The following OSBPL8 variants were observed in gnomAD, a reference collection of about 807,000 sequenced individuals.
OSBPL8 encodes oxysterol-binding protein-related protein 8.
A neutral mutation model predicts 125.5 loss-of-function variants in OSBPL8; 59 were observed. The observed-to-expected ratio is 0.47, with a 90% CI of 0.38 to 0.58. OSBPL8 has a LOEUF of 0.58. Among genes scored for constraint, OSBPL8 ranks in the 20% least tolerant of loss-of-function variants. The pLI is 0.00. For synonymous variants in OSBPL8, 330 were observed against 338.9 expected (o/e 0.97, Z 0.29); for missense variants, 758 against 1,047.8 (o/e 0.72, Z 3.82).
intron 1 of OSBPL8, among the ~76,000 whole-genome samples, chr12:76,557,160 A>G (rs780026228): frequency 8.5e-5 from 13 of 152,252 alleles, no homozygotes; most frequent in Admixed American, 7.8e-4. Context: ...ATATTAGGAT[A>G]AAAGTTTTCC....
chr12:76,548,356 T>A (rs1950840945), intron 1 of OSBPL8, among the ~76,000 whole-genome samples: 1 of 151,886 alleles, frequency 6.6e-6, no homozygotes, highest in African/African-American at 2.4e-5. Context: ...TCTGAGAAGA[T>A]CCCCAGGAAA....
intron 4 of OSBPL8, among the ~76,000 whole-genome samples, chr12:76,423,517 TAAAA>T (rs920719127): frequency 6.6e-6 from 1 of 152,098 alleles, no homozygotes; most frequent in East Asian, 1.9e-4. Flanking sequence ...CTTTCCTGCT[TAAAA>T]AAAATTTTTT....
chr12:76,463,437 C>A (rs1182807881), intron 2 of OSBPL8, among the ~76,000 whole-genome samples: 2 of 152,120 alleles, frequency 1.3e-5, no homozygotes, highest in Non-Finnish European at 1.5e-5. Context: ...GCATGTCAGA[C>A]ATTCATCCAA....
At chr12:76,500,040 C>A (rs547567672) in intron 1 of OSBPL8, among the ~76,000 whole-genome samples, 50 of 152,264 alleles carry the variant, frequency 3.3e-4, no homozygotes, top group African/African-American at 1.1e-3. Context: ...CCTGCCTTCA[C>A]GCCTACATAT....
At chr12:76,389,925 G>A (rs1352472437) in intron 11 of OSBPL8, 96 bp from the exon 12 acceptor site, 3 of 907,370 alleles carry the variant, frequency 3.3e-6, no homozygotes, top group East Asian at 5.8e-5. Context: ...CTCTTCTCAG[G>A]ACTACTCCAA....
intron 12 of OSBPL8, among the ~76,000 whole-genome samples, chr12:76,387,836 TAAAATTAAATATATATAGTTCAA>T (rs1953384223): frequency 6.6e-6 from 1 of 152,154 alleles, no homozygotes; most frequent in African/African-American, 2.4e-5. Context: ...AATTTTATTT[TAAAATTAAATATATATAGTTCAA>T]AAGTCAAAGC....
chr12:76,553,193 C>A (rs1339021083), intron 1 of OSBPL8, among the ~76,000 whole-genome samples: 1 of 55,428 alleles, frequency 1.8e-5, no homozygotes, highest in African/African-American at 8.1e-5. Flanking sequence ...TCAAAATATA[C>A]CAACATAGAT....
At chr12:76,423,321 A>G (rs1229966673) in intron 4 of OSBPL8, 2 of 152,244 alleles carry the variant, frequency 1.3e-5, no homozygotes, top group Admixed American at 6.5e-5. Flanking sequence ...TATATGAGTC[A>G]TTAAGACAGT....
intron 16 of OSBPL8, among the ~76,000 whole-genome samples, chr12:76,375,837 C>T (rs1029050671): frequency 6.6e-5 from 10 of 152,040 alleles, no homozygotes; most frequent in Non-Finnish European, 1.2e-4. Flanking sequence ...TAAAATGGAC[C>T]CACATGTAGT....
chr12:76,447,921 C>T (rs1214589502), intron 4 of OSBPL8, among the ~76,000 whole-genome samples: 3 of 152,066 alleles, frequency 2.0e-5, no homozygotes, highest in Non-Finnish European at 4.4e-5. Context: ...GGATTAAGGA[C>T]GTAATGACAT....
chr12:76,431,678 G>A (rs1870842835), intron 4 of OSBPL8, among the ~76,000 whole-genome samples: 1 of 152,044 alleles, frequency 6.6e-6, no homozygotes, highest in Non-Finnish European at 1.5e-5. Context: ...ACAATAAAAT[G>A]GCTAATTCAA....
chr12:76,469,174 T>C (rs1162547978), intron 2 of OSBPL8, among the ~76,000 whole-genome samples: 1 of 152,162 alleles, frequency 6.6e-6, no homozygotes, highest in African/African-American at 2.4e-5. Context: ...GATTTCCCCA[T>C]GTGATTCCAT....
chr12:76,388,726 G>A (rs1238727314), intron 12 of OSBPL8, among the ~76,000 whole-genome samples: 1 of 151,862 alleles, frequency 6.6e-6, no homozygotes, highest in African/African-American at 2.4e-5. Context: ...TCCTTTTTCT[G>A]TAAGTTTCCT....
At position 76,389,783 on chromosome 12, in the gene OSBPL8, C is replaced by A; in HGVS notation, c.1214G>T (p.Ser405Ile). ...QTETVSEENK[S>I]LIWTLLKQVR... ...TTGTTTCAATAGTGTCCAGATAAGG[C>A]TTTTGTTTTCTTCAGATACAGTTTC... Residue 405 changes from serine (S) to isoleucine (I), a missense_variant, in exon 12 of 24, where the codon AGC becomes ATC. Around this residue, in one of 3 missense-constraint regions of OSBPL8, gnomAD observed 572 missense variants for 762.0 expected, o/e 0.75. Transcript: ENST00000261183. 6.4e-7 allele frequency: 1 copy of A among 1,573,606 alleles called. No individual in the cohort carries two copies. Among genetic ancestry groups the A allele is most frequent in the Non-Finnish European group, 8.6e-7 (1 of 1,158,930 alleles).
At position 76,414,599 on chromosome 12, in the gene OSBPL8, A is replaced by G. The variant is rs188989965; in HGVS notation, c.218-3965T>C. ...CCTGAGTAGCTGAGACAAGAGACACATGTCACTAGGCCTGACTTTTTTGTT... is the reference window on the plus strand; with the variant it reads ...CCTGAGTAGCTGAGACAAGAGACACGTGTCACTAGGCCTGACTTTTTTGTT... On this transcript the variant is annotated intron_variant, in intron 4 of 23. Coordinates refer to ENST00000261183, the MANE Select transcript of OSBPL8 (RefSeq NM_020841.5). 7.3e-5 allele frequency among the ~76,000 whole-genome samples: 11 copies of G among 151,522 alleles called. No individual in the cohort carries two copies. The East Asian group carries it at 1.6e-3, about 21-fold the overall frequency.
At chr12:76,506,117 T>C (rs1157499744) in intron 1 of OSBPL8, among the ~76,000 whole-genome samples, 2 of 152,182 alleles carry the variant, frequency 1.3e-5, no homozygotes, top group Non-Finnish European at 2.9e-5. Flanking sequence ...GAATCAGATA[T>C]AAGGTGTAAA....
At chr12:76,374,175 A>G (rs1397440308) in intron 17 of OSBPL8, among the ~76,000 whole-genome samples, 1 of 152,198 alleles carries the variant, frequency 6.6e-6, no homozygotes, top group Non-Finnish European at 1.5e-5. Context: ...ATTTAGTAAT[A>G]AATATTACTA....
chr12:76,411,441 T>C (rs1954510097), intron 4 of OSBPL8, among the ~76,000 whole-genome samples: 1 of 152,094 alleles, frequency 6.6e-6, no homozygotes, highest in Non-Finnish European at 1.5e-5. Context: ...TAAAAGCCTA[T>C]ATTTTAAAAT....
intron 21 of OSBPL8, among the ~76,000 whole-genome samples, chr12:76,359,905 C>G (rs754612168): frequency 1.1e-4 from 17 of 152,072 alleles, no homozygotes; most frequent in Non-Finnish European, 1.8e-4. Flanking sequence ...CCAAGTCCCT[C>G]CCACAACACG....
Sources: allele counts gnomAD v4.1 joint callset (sites outside exome capture counted in the v4.1 genomes callset), GRCh38; gene constraint gnomAD v4.1.1; regional missense constraint gnomAD v4.1.1; transcripts MANE v1.5; gene names NCBI Gene and HGNC (gene_info 2026-07-23, HGNC 2026-07-21).